The following DOCK9 variants were observed in gnomAD, a reference collection of about 807,000 sequenced individuals.
DOCK9 encodes the protein dedicator of cytokinesis 9.
DOCK9 carries 89 observed loss-of-function variants against 263.3 expected under a neutral mutation model. The ratio of observed to expected loss-of-function variants is 0.34; its 90% CI spans 0.28 to 0.40. DOCK9 has a LOEUF of 0.40. Ranked by LOEUF, DOCK9 falls within the 10% of genes least tolerant of loss-of-function variation. DOCK9 has a pLI of 1.00. For missense variants in DOCK9, 2,140 were observed against 2,603.4 expected, an observed-to-expected ratio of 0.82 and a Z score of 3.87; for synonymous variants, 976 against 973.1, an observed-to-expected ratio of 1.00 and a Z score of -0.06.
chr13:98,822,092 C>G (rs780579115), intron 45 of DOCK9, among the ~76,000 whole-genome samples: 2 of 152,208 alleles, frequency 1.3e-5, no homozygotes, highest in Non-Finnish European at 2.9e-5. Flanking sequence ...GCAAGGCTTG[C>G]TCAGGACTTT....
chr13:98,979,239 G>GCA (rs1555439581), upstream of DOCK9, among the ~76,000 whole-genome samples: 2 of 117,442 alleles, frequency 1.7e-5, no homozygotes, highest in Non-Finnish European at 3.7e-5. Flanking sequence ...TAGCAGCAGC[G>GCA]GCGGCAGCAG....
At chr13:98,981,567 C>T (rs186069066), upstream of DOCK9, among the ~76,000 whole-genome samples, 192 of 152,300 alleles carry the variant, frequency 1.3e-3, no homozygotes, top group Non-Finnish European at 4.3e-4. Flanking sequence ...CTGAGTCCAC[C>T]GCCTTCCAGC....
chr13:98,881,819 C>T lies in DOCK9; in HGVS notation c.2675+73G>A. On this transcript the variant is annotated intron_variant, in intron 24 of 52. Coordinates refer to ENST00000682017, the MANE Select transcript of DOCK9 (RefSeq NM_001366683.2). Reference sequence around the variant, plus strand: ...GTAATGTTCAGCACACAGTAGCATCCCAGCTATGCATGACTATGCTCCAGA... The same window carrying T: ...GTAATGTTCAGCACACAGTAGCATCTCAGCTATGCATGACTATGCTCCAGA... 2.2e-6 allele frequency: 3 copies of T among 1,358,118 alleles called. No individual in the cohort carries two copies. In the South Asian group the frequency reaches 3.8e-5, roughly 17 times the overall value. The allele number at this position is 1,358,118 out of a possible 1,614,324, so 84.1% of individuals were successfully genotyped here.
At chr13:98,796,083 A>C in intron 52 of DOCK9, 1 of 704,126 alleles carries the variant, frequency 1.4e-6, no homozygotes, top group South Asian at 1.7e-5. Flanking sequence ...TGTCCAGAAG[A>C]GGGTGCTTTC....
At chr13:99,050,960 C>A (rs2040664755) in intron 1 of DOCK9, among the ~76,000 whole-genome samples, 1 of 152,216 alleles carries the variant, frequency 6.6e-6, no homozygotes, top group African/African-American at 2.4e-5. Context: ...GCACAAGCAG[C>A]TCATCCTGCA....
At chr13:98,873,170 C>A (rs547609448) in intron 27 of DOCK9, among the ~76,000 whole-genome samples, 1 of 152,314 alleles carries the variant, frequency 6.6e-6, no homozygotes, top group Admixed American at 6.5e-5. Context: ...GAGCGCCTTC[C>A]CATTTTCCCT....
intron 3 of DOCK9, among the ~76,000 whole-genome samples, chr13:98,929,834 T>C (rs1353840357): frequency 6.6e-6 from 1 of 152,108 alleles, no homozygotes; most frequent in Non-Finnish European, 1.5e-5. Context: ...TAACAAGACC[T>C]CCCACAGATT....
At chr13:99,067,650 A>G (rs1450084791) in intron 1 of DOCK9, among the ~76,000 whole-genome samples, 1 of 152,150 alleles carries the variant, frequency 6.6e-6, no homozygotes, top group East Asian at 1.9e-4. Context: ...TGACTTCTCC[A>G]TTGTGCAGGT....
intron 1 of DOCK9, among the ~76,000 whole-genome samples, chr13:98,970,419 G>C (rs2141324399): frequency 6.6e-6 from 1 of 152,304 alleles, no homozygotes; most frequent in Admixed American, 6.5e-5. Context: ...GGATCTGGAG[G>C]GCAGCCACTG....
intron 1 of DOCK9, among the ~76,000 whole-genome samples, chr13:99,071,024 C>T (rs77782304): frequency 0.017 from 2,657 of 152,262 alleles, 87 homozygotes; most frequent in African/African-American, 0.061. Context: ...CTACCAACCC[C>T]CTGCACAGTC....
chr13:98,938,132 A>G (rs2055207097), intron 2 of DOCK9, among the ~76,000 whole-genome samples: 2 of 152,234 alleles, frequency 1.3e-5, no homozygotes, highest in African/African-American at 4.8e-5. Flanking sequence ...TCTGGCCTCC[A>G]TCAGTAGCAG....
At chr13:98,795,871 G>A (rs1269653735) in intron 52 of DOCK9, among the ~76,000 whole-genome samples, 1 of 151,454 alleles carries the variant, frequency 6.6e-6, no homozygotes, top group Non-Finnish European at 1.5e-5. Flanking sequence ...CAATTCTCCT[G>A]CCTCAGCCTC....
intron 1 of DOCK9, among the ~76,000 whole-genome samples, chr13:99,028,457 G>C (rs1019001856): frequency 6.6e-6 from 1 of 152,112 alleles, no homozygotes; most frequent in Non-Finnish European, 1.5e-5. Context: ...AGTCCTGGCT[G>C]AGTGCAAAAG....
chr13:98,812,186 G>T (rs1161207112), intron 45 of DOCK9, among the ~76,000 whole-genome samples: 3 of 141,028 alleles, frequency 2.1e-5, no homozygotes, highest in Non-Finnish European at 4.6e-5. Flanking sequence ...TTTTTTTAAG[G>T]GATTTTTTTT....
intron 20 of DOCK9, 71 bp from the exon 21 acceptor site, chr13:98,885,163 A>T: frequency 6.4e-7 from 1 of 1,570,418 alleles, no homozygotes; most frequent in East Asian, 2.3e-5. Context: ...AAGCAAGCCA[A>T]TGTAAAACCG....
chr13:99,042,955 A>G (rs1282046789), intron 1 of DOCK9, among the ~76,000 whole-genome samples: 3 of 151,954 alleles, frequency 2.0e-5, no homozygotes, highest in African/African-American at 7.2e-5. Flanking sequence ...CTGACAAGAT[A>G]GGGCCTTACA....
At chr13:98,817,863 A>AGCT (rs2091999466) in intron 45 of DOCK9, among the ~76,000 whole-genome samples, 1 of 151,782 alleles carries the variant, frequency 6.6e-6, no homozygotes, top group Non-Finnish European at 1.5e-5. Context: ...AAGTAGATAG[A>AGCT]GCTTAGTAAG....
chr13:99,049,407 G>A (rs1227036727), intron 1 of DOCK9, among the ~76,000 whole-genome samples: 1 of 152,112 alleles, frequency 6.6e-6, no homozygotes. Context: ...GACAACTCTA[G>A]CTGGGCATGG....
chr13:98,881,758 G>A, intron 24 of DOCK9, 131 bp from the exon 25 acceptor site: 1 of 1,233,266 alleles, frequency 8.1e-7, no homozygotes, highest in Non-Finnish European at 1.2e-6. Context: ...AATTAGATGG[G>A]GTCCTTACAC....
Sources: gnomAD v4.1 joint callset for allele counts (sites outside exome capture counted in the v4.1 genomes callset) on GRCh38, gnomAD v4.1.1 for gene constraint, MANE v1.5 for transcripts, NCBI Gene and HGNC (gene_info 2026-07-23, HGNC 2026-07-21) for gene names.